ZNF652: variants seen among roughly 807,000 people sequenced by gnomAD.
ZNF652 encodes the protein zinc finger protein 652.
In ZNF652, 16 loss-of-function variants were observed where a neutral mutation model predicts 45.2. The observed-to-expected ratio is 0.35, with a 90% confidence interval of 0.24 to 0.54. The LOEUF is 0.54. Among genes scored for constraint, ZNF652 ranks in the 20% least tolerant of loss-of-function variants. The pLI, the probability that ZNF652 is intolerant of heterozygous loss-of-function variation, is 0.91. For synonymous variants in ZNF652, 250 were observed against 260.6 expected (o/e 0.96, Z 0.39); for missense variants, 614 against 765.6 (o/e 0.80, Z 2.34).
At chr17:49,307,435 GAA>G (rs1175854049) in intron 5 of ZNF652, among the ~76,000 whole-genome samples, 1 of 40,474 alleles carries the variant, frequency 2.5e-5, no homozygotes, top group African/African-American at 9.6e-5. Context: ...TGTCTCAAAA[GAA>G]AAAAAAAAAA....
At chr17:49,327,769 ATATATATATATTTTTTTTT>A (rs1391354400) in intron 1 of ZNF652, among the ~76,000 whole-genome samples, 2 of 4,574 alleles carry the variant, frequency 4.4e-4, no homozygotes, top group African/African-American at 3.0e-3. Context: ...ATATATATAT[ATATATATATATTTTTTTTT>A]TTTTTTTTTA....
At chr17:49,327,768 TATATATATA>T (rs1324222743) in intron 1 of ZNF652, among the ~76,000 whole-genome samples, 37 of 5,682 alleles carry the variant, frequency 6.5e-3, no homozygotes, top group African/African-American at 0.027. Flanking sequence ...TATATATATA[TATATATATA>T]TATTTTTTTT....
chr17:49,338,050 C>T lies in ZNF652; in HGVS notation c.-258-20067G>A, dbSNP rs535543784. 4.6e-5 allele frequency among the ~76,000 whole-genome samples: 7 copies of T among 152,068 alleles called. No homozygotes were observed. In the South Asian group the frequency reaches 6.2e-4, roughly 14 times the overall value. ...ACGCTCAGGCTGGAGTGCAGTGGCG[C>T]GATCATGACTCACTTCAGCCTCGAC... On this transcript the variant is annotated intron_variant, in intron 1 of 5. Transcript: ENST00000430262.
At chr17:49,303,153 C>T (rs2069577686) in intron 5 of ZNF652, among the ~76,000 whole-genome samples, 1 of 151,740 alleles carries the variant, frequency 6.6e-6, no homozygotes, top group African/African-American at 2.4e-5. Context: ...TAGTGAGACC[C>T]CAAATTTATT....
chr17:49,321,180 T>C (rs1195019876), intron 1 of ZNF652, among the ~76,000 whole-genome samples: 1 of 152,228 alleles, frequency 6.6e-6, no homozygotes, highest in Non-Finnish European at 1.5e-5. Context: ...GCACAGTGGC[T>C]AGCAATCTTC....
In ZNF652 at chr17:49,298,304, G is replaced by T; in HGVS notation, c.*109C>A. ...ATTCAGTGACACTGGCGAAGCTCTT[G>T]GTAGAGGCGGAGGAGAGTCTGAGAA... is the stretch of plus-strand genomic sequence containing the variant. On this transcript the variant is annotated 3_prime_UTR_variant, in exon 6 of 6. Coordinates refer to ENST00000430262, the MANE Select transcript of ZNF652 (RefSeq NM_001145365.3). 1 of 1,378,478 alleles carries T rather than the reference G, an allele frequency of 7.3e-7. No homozygotes were observed. The highest frequency in any genetic ancestry group is 9.8e-7 in the Non-Finnish European group (1 of 1,015,966). The allele number at this position is 1,378,478 out of a possible 1,614,324, so 85.4% of individuals were successfully genotyped here. A position where few individuals can be genotyped will look rare whatever the true frequency, so the allele number is the denominator to read the frequency against.
intron 1 of ZNF652, among the ~76,000 whole-genome samples, chr17:49,328,223 C>T (rs1002590658): frequency 6.6e-6 from 1 of 151,832 alleles, no homozygotes; most frequent in African/African-American, 2.4e-5. Flanking sequence ...GGTGAACAGG[C>T]CACGGGAAGT....
At chr17:49,352,334 T>C (rs766587147) in intron 1 of ZNF652, among the ~76,000 whole-genome samples, 3 of 152,124 alleles carry the variant, frequency 2.0e-5, no homozygotes, top group Non-Finnish European at 4.4e-5. Context: ...AAAGAACTTA[T>C]AATATATCCA....
intron 1 of ZNF652, among the ~76,000 whole-genome samples, chr17:49,333,687 TC>T (rs2070050089): frequency 1.6e-5 from 2 of 124,556 alleles, no homozygotes. Flanking sequence ...GCCACTGCAC[TC>T]CAGCCTGGGC....
At chr17:49,319,498 C>A (rs536255312) in intron 1 of ZNF652, among the ~76,000 whole-genome samples, 3 of 151,852 alleles carry the variant, frequency 2.0e-5, no homozygotes, top group Admixed American at 6.6e-5. Context: ...CTGAGCATAG[C>A]GGCTCATGCC....
rs796507586 is a variant in ZNF652 at position 49,333,741 on chromosome 17, A to AG, written c.-258-15759_-258-15758insC. Among the ~76,000 whole-genome samples the AG allele has an allele frequency of 3.0e-3, 417 of 139,240 alleles. 7 individuals are homozygous for AG. Among genetic ancestry groups the AG allele is most frequent in the African/African-American group, 9.7e-3 (375 of 38,530 alleles). The allele number at this position is 139,240 out of a possible 152,430, so 91.3% of individuals were successfully genotyped here. The stretch of plus-strand genomic sequence containing the variant: ...TCTCAAGAAAAAAAAAAAAAAAAAA[A>AG]AAGAAGATATACAAATGGCCAATGC... On this transcript the variant is annotated intron_variant, in intron 1 of 5. Coordinates refer to ENST00000430262, the MANE Select transcript of ZNF652 (RefSeq NM_001145365.3).
intron 5 of ZNF652, among the ~76,000 whole-genome samples, chr17:49,302,863 G>A (rs2143717984): frequency 6.6e-6 from 1 of 152,214 alleles, no homozygotes; most frequent in East Asian, 2.0e-4. Flanking sequence ...TGGGGAGGCT[G>A]AGGCAGGAGA....
intron 1 of ZNF652, among the ~76,000 whole-genome samples, chr17:49,332,582 G>C (rs1190298493): frequency 1.3e-5 from 2 of 152,164 alleles, no homozygotes; most frequent in South Asian, 2.1e-4. Flanking sequence ...GGATTCTCTA[G>C]GGGTCCCAAA....
chr17:49,352,645 AGAAAT>A (rs1332251140), intron 1 of ZNF652, among the ~76,000 whole-genome samples: 1 of 152,238 alleles, frequency 6.6e-6, no homozygotes, highest in African/African-American at 2.4e-5. Flanking sequence ...TTTACCCACA[AGAAAT>A]GAAACTTATA....
chr17:49,322,123 C>T (rs1427223163), intron 1 of ZNF652, among the ~76,000 whole-genome samples: 2 of 152,134 alleles, frequency 1.3e-5, no homozygotes, highest in Non-Finnish European at 2.9e-5. Flanking sequence ...TAAGATGGTA[C>T]TCAATAAAAT....
At chr17:49,355,806 G>A (rs2070330073) in intron 1 of ZNF652, among the ~76,000 whole-genome samples, 1 of 151,980 alleles carries the variant, frequency 6.6e-6, no homozygotes, top group African/African-American at 2.4e-5. Context: ...GCTAAGGCAG[G>A]AGAATTGCCT....
chr17:49,317,813 A>C lies in ZNF652; in HGVS notation c.-88T>G. On this transcript the variant is annotated 5_prime_UTR_variant, in exon 2 of 6. An upstream start codon of the reference 5' UTR is lost. Coordinates refer to ENST00000430262, the MANE Select transcript of ZNF652 (RefSeq NM_001145365.3). ...ATTATTAAGACTCAAATCTTTTCTC[A>C]TCCACAAAGAATCACTCAAATGAAA... 9 of 1,302,728 alleles carry C rather than the reference A, an allele frequency of 6.9e-6. No homozygotes were observed. Among genetic ancestry groups the C allele is most frequent in the Non-Finnish European group, 8.2e-6 (8 of 976,818 alleles). 80.7% of individuals were successfully genotyped at this position (1,302,728 alleles called of 1,614,324 possible). A position where few individuals can be genotyped will look rare whatever the true frequency, so the allele number is the denominator to read the frequency against.
chr17:49,319,431 G>A (rs2069857035), intron 1 of ZNF652, among the ~76,000 whole-genome samples: 1 of 151,570 alleles, frequency 6.6e-6, no homozygotes, highest in Admixed American at 6.6e-5. Flanking sequence ...TCAGGAGATC[G>A]AGACCATCCT....
intron 1 of ZNF652, among the ~76,000 whole-genome samples, chr17:49,319,567 A>G (rs2069859288): frequency 7.1e-6 from 1 of 141,196 alleles, no homozygotes; most frequent in Non-Finnish European, 1.5e-5. Flanking sequence ...CAGGAGGCGG[A>G]GATTGTAATG....
Sources: allele counts gnomAD v4.1 joint callset (sites outside exome capture counted in the v4.1 genomes callset), GRCh38; gene constraint gnomAD v4.1.1; transcripts MANE v1.5; gene names NCBI Gene and HGNC (gene_info 2026-07-23, HGNC 2026-07-21).